IQCN: variants seen among roughly 807,000 people sequenced by gnomAD.
IQCN encodes IQ motif containing N.
A neutral mutation model predicts 64.4 loss-of-function variants in IQCN; 46 were observed. The observed-to-expected ratio is 0.71, with a 90% CI of 0.56 to 0.91. The LOEUF (loss-of-function observed/expected upper bound fraction) is 0.91. Among genes scored for constraint, IQCN ranks in the 40% least tolerant of loss-of-function variants. The probability of loss-of-function intolerance (pLI) is 0.00; values close to 1 mark genes in which losing one functional copy is unlikely to be tolerated. For missense variants in IQCN, 1,753 were observed against 1,857.4 expected, an observed-to-expected ratio of 0.94 and a Z score of 1.03; for synonymous variants, 733 against 775.6, an observed-to-expected ratio of 0.95 and a Z score of 0.91.
At chr19:18,263,438 C>G (rs1191205946) in intron 3 of IQCN, among the ~76,000 whole-genome samples, 1 of 152,224 alleles carries the variant, frequency 6.6e-6, no homozygotes, top group Non-Finnish European at 1.5e-5. Flanking sequence ...GCAGGGCAGA[C>G]ACAGAACCCT....
chr19:18,266,101 GA>G lies in IQCN; in HGVS notation c.1438del (p.Ser480HisfsTer9), dbSNP rs1969573734. The G allele has an allele frequency of 6.2e-7, 1 of 1,614,044 alleles. No homozygotes were observed. The highest frequency in any genetic ancestry group is 8.5e-7 in the Non-Finnish European group (1 of 1,180,042). ...CACCCCAACTGGGCTCCTCTGGGAT[GA>G]AGTCTTGGACATTGTGGCTGACAGA... ...TCLSATMSKT[S>X]SQRSPVGVTK... On this transcript the variant is annotated frameshift_variant, in exon 3 of 4. Coordinates refer to ENST00000392413, the MANE Select transcript of IQCN (RefSeq NM_001145304.2). LOFTEE classifies it high-confidence loss of function. The surrounding 1 kb of genome is among the most constrained non-coding windows in gnomAD (Gnocchi z 4.3).
In IQCN at chr19:18,265,156, G is replaced by A; in HGVS notation, c.2384C>T (p.Pro795Leu). The A allele has an allele frequency of 6.2e-7, 1 of 1,607,802 alleles. No individual in the cohort carries two copies. Among genetic ancestry groups the A allele is most frequent in the African/African-American group, 1.3e-5 (1 of 75,048 alleles). Residue 795 changes from proline to leucine, a missense_variant, in exon 3 of 4, where the codon CCC (proline) becomes CTC (leucine). Pro to Leu is a moderately conservative substitution (Grantham distance 98). Coordinates refer to ENST00000392413, the MANE Select transcript of IQCN (RefSeq NM_001145304.2). The surrounding 1 kb of genome is among the most constrained non-coding windows in gnomAD (Gnocchi z 4.7). ...CTGTCTGTCCTCTGGCTTGGCCCAG[G>A]GTGGGGCGCTGAGGCCACCGAGGCG... ...CQRLGGLSAP[P>L]WAKPEDRQTQ...
chr19:18,268,475 G>GT (rs1159242078), intron 2 of IQCN, among the ~76,000 whole-genome samples: 1 of 152,044 alleles, frequency 6.6e-6, no homozygotes, highest in African/African-American at 2.4e-5. Context: ...TGGTAGATGG[G>GT]TTGGAAAGAC....
chr19:18,257,726 G>A lies in IQCN; in HGVS notation c.3558C>T (p.Leu1186=). ...CCAGCTCCACCCACGTGACGGGGTG[G>A]AGCATCTGCCAGTGCCGGGCTTGGT... ...RRDQARHWQM[L]HPVTWVELGS... The change falls in exon 4 of 4, where the codon CTC becomes CTT. Residue 1186 remains leucine (L), a synonymous_variant. Transcript: ENST00000392413. The A allele has an allele frequency of 6.2e-7, 1 of 1,610,358 alleles. No individual in the cohort carries two copies. Among genetic ancestry groups the A allele is most frequent in the Non-Finnish European group, 8.5e-7 (1 of 1,178,438 alleles).
chr19:18,264,302 A>G lies in IQCN; in HGVS notation c.3177+61T>C, dbSNP rs905715649. 18 of 1,369,212 alleles carry G rather than the reference A, an allele frequency of 1.3e-5. No individual in the cohort carries two copies. Among genetic ancestry groups the G allele is most frequent in the Non-Finnish European group, 1.6e-5 (17 of 1,038,322 alleles). The allele number at this position is 1,369,212 out of a possible 1,614,324, so 84.8% of individuals were successfully genotyped here. ...CCCCATCAATCCCCCATCTCCTCCAAGGGCCCGGCAGGTTGGCCCATGGTG... is the reference window on the plus strand; with the variant it reads ...CCCCATCAATCCCCCATCTCCTCCAGGGGCCCGGCAGGTTGGCCCATGGTG... On this transcript the variant is annotated intron_variant, in intron 3 of 3. Coordinates refer to ENST00000392413, the MANE Select transcript of IQCN (RefSeq NM_001145304.2). This position sits in a 1 kb window ranked among gnomAD's most constrained non-coding sequence, Gnocchi z 4.3.
chr19:18,269,701 G>T, intron 1 of IQCN, 114 bp from the exon 2 acceptor site: 1 of 500,894 alleles, frequency 2.0e-6, no homozygotes, highest in Non-Finnish European at 3.5e-6. Context: ...GCAAAGATGA[G>T]GAAATTTATT....
rs1969336848 is a variant in IQCN at position 18,257,822 on chromosome 19, C to A, written c.3462G>T (p.Arg1154=). 1 of 1,611,004 alleles carries A rather than the reference C, an allele frequency of 6.2e-7. No individual in the cohort carries two copies. The highest frequency in any genetic ancestry group is 1.1e-5 in the South Asian group (1 of 90,994). The change falls in exon 4 of 4, where the codon CGG becomes CGT. Residue 1154 remains arginine, a synonymous_variant. Transcript: ENST00000392413. The part of the protein sequence containing the change: ...QATWRGYRVR[R]NLAHLCRATT... ...TGGCTCTGCAGAGGTGTGCCAGGTT[C>A]CGCCGCACACGGTAGCCGCGCCAAG...
In IQCN at chr19:18,265,523, T is replaced by C; in HGVS notation, c.2017A>G (p.Arg673Gly). 1 of 1,612,382 alleles carries C rather than the reference T, an allele frequency of 6.2e-7. No homozygotes were observed. Among genetic ancestry groups the C allele is most frequent in the Non-Finnish European group, 8.5e-7 (1 of 1,178,844 alleles). ...AAPLTNASSQRHPPCLSQRPL... is the reference protein window; with the variant it reads ...AAPLTNASSQGHPPCLSQRPL... ...CTCTGGGACAGGCAGGGTGGATGTCTCTGGGATGAGGCATTGGTCAGTGGG... is the reference window on the plus strand; with the variant it reads ...CTCTGGGACAGGCAGGGTGGATGTCCCTGGGATGAGGCATTGGTCAGTGGG... Residue 673 changes from arginine (R) to glycine (G), a missense_variant, in exon 3 of 4, where the codon AGA (arginine) becomes GGA (glycine). By Grantham distance (125) the Arg-to-Gly change is moderately radical (BLOSUM62 -2). Transcript: ENST00000392413. This position sits in a 1 kb window ranked among gnomAD's most constrained non-coding sequence, Gnocchi z 4.7.
intron 3 of IQCN, chr19:18,258,506 C>T (rs1045079046): frequency 1.1e-5 from 5 of 453,964 alleles, no homozygotes; most frequent in African/African-American, 2.0e-5. Context: ...AGCGGCTGCT[C>T]GGAGCCATGT....
intron 3 of IQCN, chr19:18,262,606 C>G (rs1969455277): frequency 6.6e-6 from 1 of 152,220 alleles, no homozygotes; most frequent in Non-Finnish European, 1.5e-5. Context: ...CTAGTCACCA[C>G]AGATGGCTGT....
In IQCN at chr19:18,266,387, G is replaced by A; in HGVS notation, c.1153C>T (p.Pro385Ser). The A allele has an allele frequency of 6.2e-7, 1 of 1,604,190 alleles. No individual in the cohort carries two copies. The highest frequency in any genetic ancestry group is 8.5e-7 in the Non-Finnish European group (1 of 1,175,542). The change falls in exon 3 of 4, where the codon CCC becomes TCC. Residue 385 changes from proline to serine, a missense_variant. Physicochemically the swap from Pro to Ser is moderately conservative, Grantham distance 74. Transcript: ENST00000392413. This position sits in a 1 kb window ranked among gnomAD's most constrained non-coding sequence, Gnocchi z 4.3. ...IKTPAQMYPG[P>S]TVTKTAPHTC... Reference sequence around the variant, plus strand: ...TGAGGTGCAGTTTTGGTCACTGTGGGCCCCGGATACATCTGGGCTGGGGTC... The same window carrying A: ...TGAGGTGCAGTTTTGGTCACTGTGGACCCCGGATACATCTGGGCTGGGGTC...
chr19:18,267,379 G>C lies in IQCN; in HGVS notation c.161C>G (p.Pro54Arg), dbSNP rs756466705. 1 of 1,607,048 alleles carries C rather than the reference G, an allele frequency of 6.2e-7. No individual in the cohort carries two copies. Residue 54 changes from proline (P) to arginine (R), a missense_variant, in exon 3 of 4, where the codon CCC (proline) becomes CGC (arginine). Coordinates refer to ENST00000392413, the MANE Select transcript of IQCN (RefSeq NM_001145304.2). The stretch of plus-strand genomic sequence containing the variant: ...CTTGGACTTGAGGCCCTCGTGCTGG[G>C]GCTGTGGAGGCGCTTTCTCCATTTT... Reference protein sequence around the residue: ...LDKMEKAPPQPQHEGLKSKEH... With the variant: ...LDKMEKAPPQRQHEGLKSKEH...
In IQCN at chr19:18,257,497, G is replaced by A. The variant is rs774959801; in HGVS notation, c.3787C>T (p.Gln1263Ter). The change falls in exon 4 of 4, where the codon CAG (glutamine) becomes TAG (stop). Residue 1263 changes from glutamine to a stop codon, truncating the protein, a stop_gained. Coordinates refer to ENST00000392413, the MANE Select transcript of IQCN (RefSeq NM_001145304.2). LOFTEE classifies it low-confidence loss of function (END_TRUNC). ...PRTCHTCGRT[Q>*]PTRVVQGMGQ... ...ATGCCCTGCACCACACGGGTGGGCT[G>A]TGTGCGTCCACAGGTATGACAGGTG... The A allele has an allele frequency of 1.2e-6, 2 of 1,609,674 alleles. No homozygotes were observed. The highest frequency in any genetic ancestry group is 1.7e-6 in the Non-Finnish European group (2 of 1,178,374).
chr19:18,257,961 G>A lies in IQCN; in HGVS notation c.3323C>T (p.Ala1108Val), dbSNP rs1969345486. 6.2e-7 allele frequency: 1 copy of A among 1,612,788 alleles called. No individual in the cohort carries two copies. Among genetic ancestry groups the A allele is most frequent in the Non-Finnish European group, 8.5e-7 (1 of 1,179,952 alleles). ...TGCGAGGATGCGGATCTCCTCTGCA[G>A]CCTGCATGGACACCATTGGCTCCCC... The part of the protein sequence containing the change: ...RSGEPMVSMQ[A>V]AEEIRILAVI... The change falls in exon 4 of 4, where the codon GCT becomes GTT. Residue 1108 changes from alanine to valine, a missense_variant. Transcript: ENST00000392413.
Position 18,264,041 on chromosome 19 carries a change from G to T in IQCN, c.3177+322C>A, listed in dbSNP as rs569361195. 3.1e-4 allele frequency among the ~76,000 whole-genome samples: 47 copies of T among 152,268 alleles called. No individual in the cohort carries two copies. In the South Asian group the frequency reaches 9.3e-3, roughly 30 times the overall value. On this transcript the variant is annotated intron_variant, in intron 3 of 3. Transcript: ENST00000392413. This position sits in a 1 kb window ranked among gnomAD's most constrained non-coding sequence, Gnocchi z 4.3. ...TGGGGCCCTCCCCACTCCCCTCGGGGTTAAAATCTGATGCCAATGTGCCAG... is the reference window on the plus strand; with the variant it reads ...TGGGGCCCTCCCCACTCCCCTCGGGTTTAAAATCTGATGCCAATGTGCCAG...
Position 18,265,870 on chromosome 19 carries a change from G to GTGGCCT in IQCN, c.1664_1669dup (p.Lys555_Ala556dup), listed in dbSNP as rs772670542. On this transcript the variant is annotated inframe_insertion, in exon 3 of 4. Transcript: ENST00000392413. This position sits in a 1 kb window ranked among gnomAD's most constrained non-coding sequence, Gnocchi z 4.7. ...CTTTGCAGCCTGCTTCACATTCACG[G>GTGGCCT]TGGCCTTGGCCTTGGGTGGGTTCTC... 41 of 1,614,182 alleles carry GTGGCCT rather than the reference G, an allele frequency of 2.5e-5. No homozygotes were observed. The Admixed American group carries it at 3.0e-4, about 12-fold the overall frequency.
chr19:18,260,237 T>C (rs1969395860), intron 3 of IQCN: 1 of 152,504 alleles, frequency 6.6e-6, no homozygotes, highest in Non-Finnish European at 1.5e-5. Context: ...GGGGGCTGGA[T>C]ACCATCTCAC....
Position 18,257,185 on chromosome 19 carries a change from T to G in IQCN, c.4099A>C (p.Ile1367Leu). 1 of 1,612,866 alleles carries G rather than the reference T, an allele frequency of 6.2e-7. No homozygotes were observed. Among genetic ancestry groups the G allele is most frequent in the East Asian group, 2.2e-5 (1 of 44,888 alleles). Residue 1367 changes from isoleucine to leucine, a missense_variant, in exon 4 of 4, where the codon ATC becomes CTC. Coordinates refer to ENST00000392413, the MANE Select transcript of IQCN (RefSeq NM_001145304.2). ...CACTGCAGGGAGCCAGGGTCCTAGA[T>G]GCCAGGCCAATGCATGTGCCGTGAG... ...ASSRHMHWPG[I>L]
In IQCN at chr19:18,265,693, G is replaced by C. The variant is rs139728452; in HGVS notation, c.1847C>G (p.Thr616Arg). 66 of 1,614,056 alleles carry C rather than the reference G, an allele frequency of 4.1e-5. No homozygotes were observed. Among genetic ancestry groups the C allele is most frequent in the Middle Eastern group, 3.3e-4 (2 of 6,084 alleles). ...IKTGTQKQAK[T>R]DMAFKTSVAV... ...CACACTGGTCTTAAATGCCATGTCT[G>C]TTTTCGCCTGTTTCTGGGTGCCAGT... The change falls in exon 3 of 4, where the codon ACA (threonine) becomes AGA (arginine). Residue 616 changes from threonine to arginine, a missense_variant. Thr to Arg is a moderately conservative substitution (Grantham distance 71). Coordinates refer to ENST00000392413, the MANE Select transcript of IQCN (RefSeq NM_001145304.2). The surrounding 1 kb of genome is among the most constrained non-coding windows in gnomAD (Gnocchi z 4.7).
Sources: gnomAD v4.1 joint callset for allele counts (sites outside exome capture counted in the v4.1 genomes callset) on GRCh38, gnomAD v4.1.1 for gene constraint, Gnocchi (gnomAD v3.1) non-coding constraint, MANE v1.5 for transcripts, NCBI Gene and HGNC (gene_info 2026-07-23, HGNC 2026-07-21) for gene names.